Variants in ESR1 observed in about 807,000 individuals in gnomAD.
ESR1 encodes the protein estrogen receptor 1.
In ESR1, 12 loss-of-function variants were observed where a neutral mutation model predicts 52.7. The ratio of observed to expected loss-of-function variants is 0.23; its 90% CI spans 0.15 to 0.37. The LOEUF is 0.37. Among genes scored for constraint, ESR1 ranks in the 10% least tolerant of loss-of-function variants. The pLI, the probability that ESR1 is intolerant of heterozygous loss-of-function variation, is 1.00. For synonymous variants in ESR1, 305 were observed against 316.8 expected (o/e 0.96, Z 0.39); for missense variants, 584 against 779.7 (o/e 0.75, Z 2.99).
intron 3 of ESR1, among the ~76,000 whole-genome samples, chr6:151,884,450 C>G (rs1793492809): frequency 6.6e-6 from 1 of 152,222 alleles, no homozygotes; most frequent in African/African-American, 2.4e-5. Flanking sequence ...CTTTCTTAAC[C>G]AGGCTGGTTA....
intron 2 of ESR1, among the ~76,000 whole-genome samples, chr6:151,729,197 G>GCCTCTCCT (rs1221420595): frequency 6.6e-6 from 1 of 152,174 alleles, no homozygotes; most frequent in Non-Finnish European, 1.5e-5. Context: ...AGGCCTAGGA[G>GCCTCTCCT]AGCTAGCTTG....
chr6:151,956,777 CAT>C (rs1168909539), intron 4 of ESR1, among the ~76,000 whole-genome samples: 2 of 146,424 alleles, frequency 1.4e-5, no homozygotes, highest in Non-Finnish European at 3.0e-5. Context: ...GTGACAAATA[CAT>C]GTCTGTATAC....
At chr6:152,002,222 G>GTGTGTGTGTGTGTGTGT in intron 4 of ESR1, among the ~76,000 whole-genome samples, 1 of 148,746 alleles carries the variant, frequency 6.7e-6, no homozygotes, top group Non-Finnish European at 1.5e-5. Context: ...GTGTGTGTGT[G>GTGTGTGTGTGTGTGTGT]GAATATCTCA....
At chr6:151,878,582 C>A (rs1329040359) in intron 2 of ESR1, among the ~76,000 whole-genome samples, 1 of 152,124 alleles carries the variant, frequency 6.6e-6, no homozygotes, top group African/African-American at 2.4e-5. Flanking sequence ...GAACAAAGAG[C>A]TCTGTAGTTA....
rs1367166354 is a variant in ESR1, at chr6:152,101,160, T to C, written c.*2194T>C. On this transcript the variant is annotated 3_prime_UTR_variant, in exon 8 of 8. Coordinates refer to ENST00000206249, the MANE Select transcript of ESR1 (RefSeq NM_000125.4). ...TTCATATCAACTTTTGTATCCACAG[T>C]AGACAAAATAGCACTAATCCAGATG... 8.6e-6 allele frequency: 2 copies of C among 231,470 alleles called. No individual in the cohort carries two copies. Among genetic ancestry groups the C allele is most frequent in the Non-Finnish European group, 1.7e-5 (2 of 116,910 alleles). The allele number at this position is 231,470 out of a possible 1,614,324, so 14.3% of individuals were successfully genotyped here.
At chr6:152,080,011 G>A (rs2049059675) in intron 6 of ESR1, among the ~76,000 whole-genome samples, 1 of 152,154 alleles carries the variant, frequency 6.6e-6, no homozygotes, top group Admixed American at 6.5e-5. Flanking sequence ...ACAAATATAT[G>A]TTTCATTGGT....
At position 152,094,765 on chromosome 6, in the gene ESR1, G is replaced by A. The variant is rs577069951; in HGVS notation, c.1553+197G>A. On this transcript the variant is annotated intron_variant, in intron 7 of 7. Transcript: ENST00000206249. The surrounding 1 kb of genome is among the most constrained non-coding windows in gnomAD (Gnocchi z 4.6). Reference sequence around the variant, plus strand: ...AATCTGCGAGGGTCACAGGGCAAGTGTCAGAGAAGGCATAGAGGAAGCGAT... The same window carrying A: ...AATCTGCGAGGGTCACAGGGCAAGTATCAGAGAAGGCATAGAGGAAGCGAT... Among the ~76,000 whole-genome samples, 10 of 152,218 alleles carry A rather than the reference G, an allele frequency of 6.6e-5. No individual in the cohort carries two copies. The highest frequency in any genetic ancestry group is 1.2e-4 in the Non-Finnish European group (8 of 68,036).
At chr6:151,850,073 T>TA (rs71835211) in intron 2 of ESR1, among the ~76,000 whole-genome samples, 3 of 72,060 alleles carry the variant, frequency 4.2e-5, no homozygotes, top group African/African-American at 1.6e-4. Flanking sequence ...TATATATATA[T>TA]AAAAAATTAT....
intron 4 of ESR1, among the ~76,000 whole-genome samples, chr6:151,958,711 C>T (rs2037288222): frequency 6.6e-6 from 1 of 152,122 alleles, no homozygotes; most frequent in Non-Finnish European, 1.5e-5. Flanking sequence ...CCTCTAAGAA[C>T]AGTTCTTATA....
At chr6:151,998,612 A>G (rs1489495552) in intron 4 of ESR1, among the ~76,000 whole-genome samples, 2 of 152,060 alleles carry the variant, frequency 1.3e-5, no homozygotes, top group Non-Finnish European at 2.9e-5. Flanking sequence ...CACTCAACCA[A>G]TTACATTTTC....
At chr6:151,965,463 G>T (rs924194874) in intron 4 of ESR1, among the ~76,000 whole-genome samples, 3 of 152,028 alleles carry the variant, frequency 2.0e-5, no homozygotes, top group Non-Finnish European at 4.4e-5. Flanking sequence ...TACCTAAAAG[G>T]TTATCCTTAG....
chr6:151,711,660 T>C (rs1186281501), intron 2 of ESR1, among the ~76,000 whole-genome samples: 1 of 152,226 alleles, frequency 6.6e-6, no homozygotes, highest in Non-Finnish European at 1.5e-5. Context: ...TGACTTCCTT[T>C]GAGAAGTGTC....
intron 2 of ESR1, among the ~76,000 whole-genome samples, chr6:151,790,952 G>A (rs1234792918): frequency 6.6e-6 from 1 of 152,066 alleles, no homozygotes; most frequent in Admixed American, 6.6e-5. Context: ...ATGTAATGTT[G>A]GATAGTGTGA....
At chr6:151,940,416 T>C (rs1562572134) in intron 3 of ESR1, among the ~76,000 whole-genome samples, 2 of 152,210 alleles carry the variant, frequency 1.3e-5, no homozygotes, top group African/African-American at 4.8e-5. Context: ...TATTTGATGA[T>C]TTTATAAATA....
intron 2 of ESR1, among the ~76,000 whole-genome samples, chr6:151,773,054 G>A (rs1562393708): frequency 6.6e-6 from 1 of 152,176 alleles, no homozygotes. Context: ...TTATTTGGAG[G>A]TGGGGTCTTT....
intron 3 of ESR1, among the ~76,000 whole-genome samples, chr6:151,908,062 G>A (rs954015839): frequency 6.6e-6 from 1 of 152,148 alleles, no homozygotes; most frequent in Non-Finnish European, 1.5e-5. Flanking sequence ...CCCTGGGTAA[G>A]GGGATTATGT....
At chr6:151,830,493 G>A (rs1215530372) in intron 1 of ESR1, among the ~76,000 whole-genome samples, 6 of 152,130 alleles carry the variant, frequency 3.9e-5, no homozygotes, top group Admixed American at 2.6e-4. Flanking sequence ...AAGATGTGGT[G>A]TCAAATTGCA....
intron 1 of ESR1, among the ~76,000 whole-genome samples, chr6:151,823,013 T>C (rs1257538838): frequency 2.0e-5 from 3 of 152,248 alleles, no homozygotes; most frequent in African/African-American, 4.8e-5. Context: ...AAGAATCATA[T>C]GTAGGCTTGT....
At chr6:151,849,397 G>A (rs760284013) in intron 2 of ESR1, among the ~76,000 whole-genome samples, 183 of 152,254 alleles carry the variant, frequency 1.2e-3, no homozygotes, top group Non-Finnish European at 2.3e-3. Flanking sequence ...TATAATCCCA[G>A]CACTTTGGTA....
Sources: allele counts gnomAD v4.1 joint callset (sites outside exome capture counted in the v4.1 genomes callset), GRCh38; gene constraint gnomAD v4.1.1; non-coding constraint Gnocchi (gnomAD v3.1); transcripts MANE v1.5; gene names NCBI Gene and HGNC (gene_info 2026-07-23, HGNC 2026-07-21).